ASS1: variants seen among roughly 807,000 people sequenced by gnomAD.
ASS1 encodes argininosuccinate synthase 1, also known as argininosuccinate synthase.
In ASS1, 58 loss-of-function variants were observed where a neutral mutation model predicts 60.5. The ratio of observed to expected loss-of-function variants is 0.96; its 90% CI spans 0.78 to 1.19. The LOEUF (loss-of-function observed/expected upper bound fraction) is 1.19. Ranked by LOEUF, ASS1 falls within the 50% of genes most tolerant of loss-of-function variation. ASS1 has a pLI of 0.00. For missense variants in ASS1, 454 were observed against 547.3 expected (o/e 0.83, Z 1.70); for synonymous variants, 200 against 206.9 (o/e 0.97, Z 0.29).
intron 3 of ASS1, among the ~76,000 whole-genome samples, chr9:130,455,013 CCCATCATCCATCCAT>C (rs1451994440): frequency 8.8e-4 from 131 of 149,592 alleles, no homozygotes; most frequent in African/African-American, 2.9e-3. Flanking sequence ...CATCCATTCA[CCCATCATCCATCCAT>C]CCATCATCCA....
chr9:130,499,726 A>G (rs903374080), intron 14 of ASS1, among the ~76,000 whole-genome samples, 156 bp downstream of exon 14: 3 of 152,050 alleles, frequency 2.0e-5, no homozygotes, highest in Non-Finnish European at 2.9e-5. Context: ...TTTCCTGTCC[A>G]TCTGCCCATA....
intron 11 of ASS1, among the ~76,000 whole-genome samples, chr9:130,483,528 G>T (rs878951841): frequency 6.7e-6 from 1 of 149,398 alleles, no homozygotes; most frequent in African/African-American, 2.5e-5. Flanking sequence ...CTGGAGGGGG[G>T]CTAATTAAGT....
intron 2 of ASS1, 85 bp downstream of exon 2, chr9:130,452,418 C>G: frequency 8.3e-7 from 1 of 1,206,524 alleles, no homozygotes. Context: ...TCTGGGTTGT[C>G]AGCCTGTCTG....
At position 130,477,065 on chromosome 9, in the gene ASS1, A is replaced by G. The variant is rs374577195; in HGVS notation, c.688+104A>G. On this transcript the variant is annotated intron_variant, in intron 9 of 14. Transcript: ENST00000352480. The surrounding 1 kb of genome is among the most constrained non-coding windows in gnomAD (Gnocchi z 4.2). ...TAGGCCCTCTTTACCCCCGCCCTGC[A>G]TTCCTGGAAGCTAGAGTTCAGGCAG... 4,575 of 1,231,888 alleles carry G rather than the reference A, an allele frequency of 3.7e-3. 22 individuals are homozygous for G. The highest frequency in any genetic ancestry group is 8.8e-3 in the South Asian group (710 of 80,348). The allele number at this position is 1,231,888 out of a possible 1,614,324, so 76.3% of individuals were successfully genotyped here.
chr9:130,490,149 G>C (rs886927140), intron 12 of ASS1, among the ~76,000 whole-genome samples: 1 of 152,186 alleles, frequency 6.6e-6, no homozygotes, highest in Non-Finnish European at 1.5e-5. Flanking sequence ...TGAGGAGCCC[G>C]GGTTTCCATG....
chr9:130,476,950 A>T lies in ASS1; in HGVS notation c.677A>T (p.Glu226Val), dbSNP rs767628546. The change falls in exon 9 of 15, where the codon GAG becomes GTG. Residue 226 changes from glutamate (E) to valine (V), a missense_variant. Coordinates refer to ENST00000352480, the MANE Select transcript of ASS1 (RefSeq NM_054012.4). The surrounding 1 kb of genome is among the most constrained non-coding windows in gnomAD (Gnocchi z 4.9). The part of the protein sequence containing the change: ...APNTPDILEI[E>V]FKKGVPVKVT... Reference sequence around the variant, plus strand: ...AACACCCCTGACATTCTCGAGATCGAGTTCAAAAAAGGTATGTGCCCACCT... The same window carrying T: ...AACACCCCTGACATTCTCGAGATCGTGTTCAAAAAAGGTATGTGCCCACCT... The T allele has an allele frequency of 6.2e-7, 1 of 1,613,992 alleles. No homozygotes were observed. The highest frequency in any genetic ancestry group is 2.2e-5 in the East Asian group (1 of 44,864).
rs1449721307 is a variant in ASS1, at chr9:130,477,767, T to TGAGG, written c.688+807_688+808insAGGG. 6.6e-6 allele frequency among the ~76,000 whole-genome samples: 1 copy of TGAGG among 152,156 alleles called. No individual in the cohort carries two copies. ...GGAGGCTTCCTGGAGGAGGTGGTGC[T>TGAGG]GGGCACAGGGGCACCCAAGGACCAG... On this transcript the variant is annotated intron_variant, in intron 9 of 14. Transcript: ENST00000352480. This position sits in a 1 kb window ranked among gnomAD's most constrained non-coding sequence, Gnocchi z 4.2.
intron 4 of ASS1, 46 bp from the exon 5 acceptor site, chr9:130,464,065 A>T: frequency 6.2e-7 from 1 of 1,608,042 alleles, no homozygotes; most frequent in Non-Finnish European, 8.5e-7. Context: ...CAGACTCCAG[A>T]ACCCCCATCC....
intron 13 of ASS1, among the ~76,000 whole-genome samples, chr9:130,499,213 G>A (rs944559635): frequency 6.6e-6 from 1 of 152,166 alleles, no homozygotes; most frequent in Non-Finnish European, 1.5e-5. Context: ...GAATTCATAG[G>A]GCTAGTTCTG....
At chr9:130,496,265 A>T (rs1377624065) in intron 13 of ASS1, among the ~76,000 whole-genome samples, 1 of 151,890 alleles carries the variant, frequency 6.6e-6, no homozygotes, top group Admixed American at 6.6e-5. Context: ...TACTAAAAAT[A>T]AAAAAATTAG....
At chr9:130,462,622 C>T (rs562838006) in intron 4 of ASS1, among the ~76,000 whole-genome samples, 40 of 152,312 alleles carry the variant, frequency 2.6e-4, no homozygotes, top group Admixed American at 5.2e-4. Context: ...GTTGGGGAAA[C>T]ATGAAGCTGT....
chr9:130,461,295 G>A (rs907799413), intron 4 of ASS1, among the ~76,000 whole-genome samples: 6 of 152,186 alleles, frequency 3.9e-5, no homozygotes, highest in African/African-American at 9.7e-5. Context: ...CCCACATTTA[G>A]CCTGCAACAG....
intron 5 of ASS1, among the ~76,000 whole-genome samples, chr9:130,464,668 A>G (rs1845683591): frequency 1.3e-5 from 2 of 152,072 alleles, no homozygotes; most frequent in East Asian, 3.9e-4. Context: ...TGGGGTGGGA[A>G]TCACCAGGAT....
chr9:130,498,848 A>G (rs1846668195), intron 13 of ASS1, among the ~76,000 whole-genome samples: 1 of 152,182 alleles, frequency 6.6e-6, no homozygotes, highest in Admixed American at 6.5e-5. Context: ...CCCAAAGCAG[A>G]AGGCTGGTGA....
At chr9:130,497,620 C>T (rs1409730884) in intron 13 of ASS1, among the ~76,000 whole-genome samples, 1 of 152,206 alleles carries the variant, frequency 6.6e-6, no homozygotes, top group African/African-American at 2.4e-5. Context: ...CCTCGTGGGA[C>T]AAGTTTGTCC....
chr9:130,451,485 G>A (rs1350314911), intron 1 of ASS1: 4 of 286,120 alleles, frequency 1.4e-5, no homozygotes, highest in Non-Finnish European at 2.7e-5. Flanking sequence ...ATTCAGAGGC[G>A]CTCACATTTG....
At chr9:130,451,045 G>T (rs550572348) in intron 1 of ASS1, among the ~76,000 whole-genome samples, 4 of 152,234 alleles carry the variant, frequency 2.6e-5, no homozygotes, top group Non-Finnish European at 5.9e-5. Context: ...AGGTGACCTC[G>T]TCTCCCTAAC....
intron 11 of ASS1, among the ~76,000 whole-genome samples, chr9:130,482,788 C>A (rs1846204279): frequency 6.6e-6 from 1 of 152,210 alleles, no homozygotes; most frequent in Non-Finnish European, 1.5e-5. Context: ...CTCCTTACCA[C>A]CCACCTGGGG....
At position 130,494,938 on chromosome 9, in the gene ASS1, A is replaced by G. The variant is rs1428619789; in HGVS notation, c.1042A>G (p.Lys348Glu). ...IAKSQERVEG[K>E]VQVSVLKGQV... ...CAAGTCCCAGGAGCGAGTGGAAGGG[A>G]AAGTGCAGGTGTCCGTCCTCAAGGG... The change falls in exon 13 of 15, where the codon AAA becomes GAA. Residue 348 changes from lysine (K) to glutamate (E), a missense_variant. By Grantham distance (56) the Lys-to-Glu change is moderately conservative. Transcript: ENST00000352480. The surrounding 1 kb of genome is among the most constrained non-coding windows in gnomAD (Gnocchi z 4.3). The G allele has an allele frequency of 6.2e-7, 1 of 1,613,500 alleles. No homozygotes were observed. Among genetic ancestry groups the G allele is most frequent in the East Asian group, 2.2e-5 (1 of 44,884 alleles).
Sources: gnomAD v4.1 joint callset for allele counts (sites outside exome capture counted in the v4.1 genomes callset) on GRCh38, gnomAD v4.1.1 for gene constraint, Gnocchi (gnomAD v3.1) non-coding constraint, MANE v1.5 for transcripts, NCBI Gene and HGNC (gene_info 2026-07-23, HGNC 2026-07-21) for gene names.